PCBP2: variants seen among roughly 807,000 people sequenced by gnomAD.
PCBP2 encodes poly(rC) binding protein 2.
Under a neutral mutation model 50.1 loss-of-function variants are expected in PCBP2, and 4 were observed. The ratio of observed to expected loss-of-function variants is 0.08; its 90% CI spans 0.04 to 0.18. PCBP2 has a LOEUF of 0.18. Among genes scored for constraint, PCBP2 ranks in the 10% least tolerant of loss-of-function variants. The probability of loss-of-function intolerance (pLI) is 1.00; values close to 1 mark genes in which losing one functional copy is unlikely to be tolerated. For missense variants in PCBP2, 161 were observed against 474.3 expected, an observed-to-expected ratio of 0.34 and a Z score of 6.14; for synonymous variants, 179 against 168.0, an observed-to-expected ratio of 1.07 and a Z score of -0.51.
rs1940561811 is a variant in PCBP2 at position 53,452,115 on chromosome 12, A to AGGCAGCAGCCGGAGC, written c.-336_-322dup. On this transcript the variant is annotated 5_prime_UTR_variant, in exon 1 of 15. Transcript: ENST00000546463. ...CCCCGTCCCCCTCCCAGACCAGCAG[A>AGGCAGCAGCCGGAGC]GGCAGCAGCCGGAGCAGCCGCAGCC... 6.7e-6 allele frequency: 1 copy of AGGCAGCAGCCGGAGC among 150,014 alleles called. No homozygotes were observed. The highest frequency in any genetic ancestry group is 1.5e-5 in the Non-Finnish European group (1 of 67,150). The allele number at this position is 150,014 out of a possible 1,614,324, so 9.3% of individuals were successfully genotyped here.
Position 53,471,631 on chromosome 12 carries a change from C to T in PCBP2, c.883-7C>T, listed in dbSNP as rs751384566. On this transcript the variant is annotated splice_region_variant and splice_polypyrimidine_tract_variant and intron_variant, in intron 13 of 14. Transcript: ENST00000546463. ...TCGGTGTGCCTTGTTTTTCTTTCTC[C>T]CTTAAGTTGATTGGCTGCATAATCG... 3 of 1,608,506 alleles carry T rather than the reference C, an allele frequency of 1.9e-6. No homozygotes were observed. Among genetic ancestry groups the T allele is most frequent in the Non-Finnish European group, 2.5e-6 (3 of 1,177,304 alleles).
intron 1 of PCBP2, chr12:53,453,344 C>A (rs972611570): frequency 6.6e-6 from 1 of 152,002 alleles, no homozygotes; most frequent in Non-Finnish European, 1.5e-5. Flanking sequence ...GTCATTCTTA[C>A]AGACCTAACG....
At chr12:53,471,040 T>G (rs778410964) in intron 13 of PCBP2, among the ~76,000 whole-genome samples, 3 of 152,116 alleles carry the variant, frequency 2.0e-5, no homozygotes, top group Non-Finnish European at 4.4e-5. Flanking sequence ...AAGACAGTTC[T>G]GAGTTGGCTC....
Position 53,459,284 on chromosome 12 carries a change from T to A in PCBP2, c.256T>A (p.Ser86Thr), listed in dbSNP as rs367959689. Residue 86 changes from serine to threonine, a missense_variant, in exon 6 of 15, where the codon TCT (serine) becomes ACT (threonine). Physicochemically the swap from Ser to Thr is moderately conservative, Grantham distance 58. Transcript: ENST00000546463. ...TTTCTTTCTGTAGGACATAAGCAGC[T>A]CTATGACCAATAGCACAGCTGCCAG... The part of the protein sequence containing the change: ...IDKLEEDISS[S>T]MTNSTAASRP... 6.2e-7 allele frequency: 1 copy of A among 1,611,474 alleles called. No homozygotes were observed. Among genetic ancestry groups the A allele is most frequent in the Non-Finnish European group, 8.5e-7 (1 of 1,178,774 alleles).
intron 14 of PCBP2, among the ~76,000 whole-genome samples, chr12:53,478,805 C>T (rs1942842599): frequency 6.6e-6 from 1 of 151,890 alleles, no homozygotes; most frequent in Non-Finnish European, 1.5e-5. Context: ...GACTCTGTCT[C>T]AATAAATAAG....
intron 13 of PCBP2, among the ~76,000 whole-genome samples, chr12:53,469,801 T>A (rs929694519): frequency 6.6e-6 from 1 of 150,444 alleles, no homozygotes; most frequent in Non-Finnish European, 1.5e-5. Flanking sequence ...TTGCTCTGTT[T>A]CCCAGGCTTG....
chr12:53,462,627 T>TTGCCAGCATCACACCAAGCCACTC, intron 8 of PCBP2, 60 bp downstream of exon 8: 1 of 1,428,576 alleles, frequency 7.0e-7, no homozygotes, highest in Non-Finnish European at 9.8e-7. Flanking sequence ...AATGTCAACT[T>TTGCCAGCATCACACCAAGCCACTC]TGCCAGCATC....
chr12:53,470,545 C>T (rs775100390), intron 13 of PCBP2, among the ~76,000 whole-genome samples: 3 of 151,820 alleles, frequency 2.0e-5, no homozygotes, highest in Non-Finnish European at 4.4e-5. Context: ...GCTGGGACCA[C>T]AGGTGCATGC....
At chr12:53,467,362 C>A in intron 11 of PCBP2, 69 bp downstream of exon 11, 1 of 1,270,732 alleles carries the variant, frequency 7.9e-7, no homozygotes, top group Non-Finnish European at 1.2e-6. Context: ...AAGGTCTCAG[C>A]TTGACATCTG....
In PCBP2 at chr12:53,461,002, T is replaced by G; in HGVS notation, c.376-13T>G. ...TGTTTTTCTCTGATTTTGAATTTCT[T>G]TTTACTCCAAAGAGTACAGGGGCTC... On this transcript the variant is annotated splice_polypyrimidine_tract_variant and intron_variant, in intron 6 of 14. Coordinates refer to ENST00000546463, the MANE Select transcript of PCBP2 (RefSeq NM_031989.5). 6.2e-7 allele frequency: 1 copy of G among 1,612,208 alleles called. No individual in the cohort carries two copies. Among genetic ancestry groups the G allele is most frequent in the Non-Finnish European group, 8.5e-7 (1 of 1,179,536 alleles).
chr12:53,467,003 A>G (rs1429913335), intron 10 of PCBP2, among the ~76,000 whole-genome samples: 1 of 152,116 alleles, frequency 6.6e-6, no homozygotes, highest in South Asian at 2.1e-4. Context: ...CCCAAAAGGC[A>G]TTCATTCTCT....
intron 5 of PCBP2, among the ~76,000 whole-genome samples, 171 bp from the exon 6 acceptor site, chr12:53,459,101 T>C (rs1300621731): frequency 1.3e-5 from 2 of 152,248 alleles, no homozygotes; most frequent in Admixed American, 6.5e-5. Context: ...CTTTTATCTT[T>C]ACATCAAAAA....
chr12:53,470,038 G>C (rs370402005), intron 13 of PCBP2, among the ~76,000 whole-genome samples: 1 of 151,760 alleles, frequency 6.6e-6, no homozygotes, highest in African/African-American at 2.4e-5. Context: ...GAGCCACTGC[G>C]TCCAGCCTGC....
At chr12:53,473,568 C>T (rs1034444346) in intron 14 of PCBP2, among the ~76,000 whole-genome samples, 8 of 152,160 alleles carry the variant, frequency 5.3e-5, no homozygotes, top group Non-Finnish European at 1.2e-4. Context: ...TCAGTGGCTA[C>T]ATTGTAAGGA....
intron 8 of PCBP2, 91 bp downstream of exon 8, chr12:53,462,658 C>T (rs1465783876): frequency 2.0e-6 from 2 of 992,742 alleles, no homozygotes; most frequent in Non-Finnish European, 3.1e-6. Flanking sequence ...ACTCTGCATG[C>T]TTGCTGAAAC....
In PCBP2 at chr12:53,459,503, T is replaced by C. The variant is rs968544092; in HGVS notation, c.375+100T>C. The C allele has an allele frequency of 5.9e-6, 6 of 1,022,760 alleles. No individual in the cohort carries two copies. The South Asian group carries it at 7.9e-5, about 13-fold the overall frequency. 63.4% of individuals were successfully genotyped at this position (1,022,760 alleles called of 1,614,324 possible). The stretch of plus-strand genomic sequence containing the variant: ...GTTAGCAATGAGATGAAGATTTTTA[T>C]TGAAGTAACAGTTCTAGAGGATTAC... On this transcript the variant is annotated intron_variant, in intron 6 of 14. Coordinates refer to ENST00000546463, the MANE Select transcript of PCBP2 (RefSeq NM_031989.5).
chr12:53,471,936 T>A, intron 14 of PCBP2, 129 bp downstream of exon 14: 1 of 734,662 alleles, frequency 1.4e-6, no homozygotes. Flanking sequence ...TTTTTTTTTT[T>A]TTTGCTAGCT....
chr12:53,479,337 G>A, intron 14 of PCBP2, 69 bp from the exon 15 acceptor site: 1 of 1,349,254 alleles, frequency 7.4e-7, no homozygotes, highest in Non-Finnish European at 1.1e-6. Context: ...CACATTTCAT[G>A]AACCAGGTAG....
chr12:53,481,092 T>G lies in PCBP2; in HGVS notation c.*1650T>G. 1.8e-6 allele frequency: 1 copy of G among 543,376 alleles called. No homozygotes were observed. Among genetic ancestry groups the G allele is most frequent in the Non-Finnish European group, 2.5e-6 (1 of 396,366 alleles). The allele number at this position is 543,376 out of a possible 1,614,324, so 33.7% of individuals were successfully genotyped here. The stretch of plus-strand genomic sequence containing the variant: ...TACGGCTGGGACAGCCCCATCTTTC[T>G]GTTGATTATGTGGCGCATATATATA... On this transcript the variant is annotated 3_prime_UTR_variant, in exon 15 of 15. Coordinates refer to ENST00000546463, the MANE Select transcript of PCBP2 (RefSeq NM_031989.5).
Sources: gnomAD v4.1 joint callset for allele counts (sites outside exome capture counted in the v4.1 genomes callset) on GRCh38, gnomAD v4.1.1 for gene constraint, MANE v1.5 for transcripts, NCBI Gene and HGNC (gene_info 2026-07-23, HGNC 2026-07-21) for gene names.